Variants in GPC5 observed in about 807,000 individuals in gnomAD.
GPC5 encodes the protein glypican-5.
In GPC5, 47 loss-of-function variants were observed where a neutral mutation model predicts 53.9. The observed-to-expected ratio is 0.87, with a 90% CI of 0.69 to 1.11. The LOEUF (loss-of-function observed/expected upper bound fraction) is 1.11. Among genes scored for constraint, GPC5 ranks in the 50% most tolerant of loss-of-function variants. The pLI, the probability that GPC5 is intolerant of heterozygous loss-of-function variation, is 0.00. For synonymous variants in GPC5, 286 were observed against 263.3 expected, an observed-to-expected ratio of 1.09 and a Z score of -0.84; for missense variants, 748 against 713.1, an observed-to-expected ratio of 1.05 and a Z score of -0.56.
At chr13:92,792,005 G>C (rs1256491999) in intron 7 of GPC5, among the ~76,000 whole-genome samples, 2 of 152,012 alleles carry the variant, frequency 1.3e-5, no homozygotes, top group African/African-American at 2.4e-5. Flanking sequence ...TGTTTGCAAA[G>C]AATAGAAAGC....
At position 91,832,185 on chromosome 13, in the gene GPC5, G is replaced by C. The variant is rs376955159; in HGVS notation, c.1281-75752G>C. Among the ~76,000 whole-genome samples the C allele has an allele frequency of 2.4e-3, 363 of 151,714 alleles. 18 individuals carry two copies. In the South Asian group the frequency reaches 0.068, roughly 29 times the overall value. On this transcript the variant is annotated intron_variant, in intron 5 of 7. Coordinates refer to ENST00000377067, the MANE Select transcript of GPC5 (RefSeq NM_004466.6). ...ATATTTAGGATAGTTAGCTCTTCTT[G>C]TTGCATTGATCCCTTTACCAATGCA...
At chr13:91,948,448 G>A (rs184863568) in intron 6 of GPC5, among the ~76,000 whole-genome samples, 2 of 151,080 alleles carry the variant, frequency 1.3e-5, no homozygotes, top group East Asian at 1.9e-4. Flanking sequence ...ACTGTTTTGG[G>A]CTGGGGATAC....
intron 3 of GPC5, among the ~76,000 whole-genome samples, chr13:91,711,977 A>ACT (rs2036236048): frequency 6.6e-6 from 1 of 152,234 alleles, no homozygotes; most frequent in Non-Finnish European, 1.5e-5. Flanking sequence ...AAGGACTCTA[A>ACT]GAACACGGTT....
chr13:91,921,024 T>A (rs1256120380), intron 6 of GPC5, among the ~76,000 whole-genome samples: 1 of 146,486 alleles, frequency 6.8e-6, no homozygotes, highest in Non-Finnish European at 1.5e-5. Context: ...TGCAACTCTG[T>A]CTCCTGCGTT....
intron 2 of GPC5, among the ~76,000 whole-genome samples, chr13:91,628,026 C>A (rs892789316): frequency 3.9e-5 from 6 of 152,004 alleles, no homozygotes; most frequent in African/African-American, 1.4e-4. Flanking sequence ...TTTAATAAAT[C>A]TAAATAAAAT....
intron 7 of GPC5, among the ~76,000 whole-genome samples, chr13:92,464,062 C>A (rs1265574257): frequency 6.6e-6 from 1 of 152,138 alleles, no homozygotes; most frequent in Non-Finnish European, 1.5e-5. Flanking sequence ...AAGAGGGAAG[C>A]AGTGGTGTCA....
intron 7 of GPC5, among the ~76,000 whole-genome samples, chr13:92,823,264 A>C (rs1877734892): frequency 6.6e-6 from 1 of 152,146 alleles, no homozygotes; most frequent in Non-Finnish European, 1.5e-5. Context: ...TGTGCAAATA[A>C]AGCATTCTTT....
intron 2 of GPC5, among the ~76,000 whole-genome samples, chr13:91,454,299 T>C (rs1027742805): frequency 3.3e-5 from 5 of 152,030 alleles, no homozygotes; most frequent in Non-Finnish European, 7.4e-5. Context: ...AGTAGAAAAA[T>C]ATTAACTATA....
chr13:91,588,553 C>A (rs2032682420), intron 2 of GPC5, among the ~76,000 whole-genome samples: 2 of 152,082 alleles, frequency 1.3e-5, no homozygotes, highest in Admixed American at 1.3e-4. Context: ...TCATATCACA[C>A]AGAAAATAAA....
intron 7 of GPC5, among the ~76,000 whole-genome samples, chr13:92,619,195 A>G (rs1261999179): frequency 6.6e-6 from 1 of 151,970 alleles, no homozygotes; most frequent in African/African-American, 2.4e-5. Flanking sequence ...TTTTCTGAGA[A>G]ATAAGAGTCA....
intron 6 of GPC5, among the ~76,000 whole-genome samples, chr13:92,098,720 T>C (rs970375698): frequency 2.6e-5 from 4 of 152,248 alleles, no homozygotes; most frequent in African/African-American, 9.6e-5. Flanking sequence ...GTCTATCTTA[T>C]CCAGGTGAGT....
intron 7 of GPC5, among the ~76,000 whole-genome samples, chr13:92,512,343 T>A (rs751797808): frequency 3.9e-5 from 6 of 152,054 alleles, no homozygotes; most frequent in Non-Finnish European, 7.4e-5. Flanking sequence ...TAGTGACAAG[T>A]GGGGAGAAGC....
At chr13:92,246,352 A>G (rs2042650826) in intron 7 of GPC5, among the ~76,000 whole-genome samples, 1 of 152,156 alleles carries the variant, frequency 6.6e-6, no homozygotes, top group South Asian at 2.1e-4. Flanking sequence ...CATTGAATTT[A>G]TTCATTATGA....
intron 7 of GPC5, among the ~76,000 whole-genome samples, chr13:92,409,385 AAATG>A (rs1183194968): frequency 1.3e-5 from 2 of 152,058 alleles, no homozygotes; most frequent in Non-Finnish European, 2.9e-5. Flanking sequence ...CCCAATGAAA[AAATG>A]AATGAAGATT....
chr13:92,336,703 A>T (rs1301541257), intron 7 of GPC5, among the ~76,000 whole-genome samples: 1 of 152,234 alleles, frequency 6.6e-6, no homozygotes, highest in Non-Finnish European at 1.5e-5. Flanking sequence ...TGATGAAAAC[A>T]GGTGAAATTG....
chr13:92,232,562 T>G (rs1312511794), intron 7 of GPC5, among the ~76,000 whole-genome samples: 3 of 152,216 alleles, frequency 2.0e-5, no homozygotes, highest in Admixed American at 2.0e-4. Flanking sequence ...AGACTCATAT[T>G]ACAGTTTTCT....
intron 7 of GPC5, among the ~76,000 whole-genome samples, chr13:92,521,708 T>C (rs1036993779): frequency 1.3e-5 from 2 of 152,120 alleles, no homozygotes; most frequent in African/African-American, 4.8e-5. Context: ...ATTCAGGACA[T>C]AGGCATGGGC....
At chr13:91,865,466 G>A (rs1197213567) in intron 5 of GPC5, among the ~76,000 whole-genome samples, 4 of 152,114 alleles carry the variant, frequency 2.6e-5, no homozygotes, top group South Asian at 2.1e-4. Context: ...ATAAAATTCT[G>A]TAGCAGTGGA....
chr13:92,270,996 G>A (rs948653536), intron 7 of GPC5, among the ~76,000 whole-genome samples: 1 of 152,076 alleles, frequency 6.6e-6, no homozygotes, highest in South Asian at 2.1e-4. Context: ...GAAATATTTG[G>A]TTTGGCCTTC....
Sources: gnomAD v4.1 joint callset for allele counts (sites outside exome capture counted in the v4.1 genomes callset) on GRCh38, gnomAD v4.1.1 for gene constraint, MANE v1.5 for transcripts, NCBI Gene and HGNC (gene_info 2026-07-23, HGNC 2026-07-21) for gene names.